RBFOX1: variants seen among roughly 807,000 people sequenced by gnomAD.
RBFOX1 encodes RNA binding fox-1 homolog 1, also known as RNA binding protein fox-1 homolog 1.
A neutral mutation model predicts 57.7 loss-of-function variants in RBFOX1; 8 were observed. That is an observed-to-expected ratio of 0.14 (90% CI 0.08 to 0.25). The LOEUF is 0.25. RBFOX1 is among the 10% of genes least tolerant of loss of function. The probability of loss-of-function intolerance (pLI) is 1.00; values close to 1 mark genes in which losing one functional copy is unlikely to be tolerated. For synonymous variants in RBFOX1, 326 were observed against 222.4 expected, an observed-to-expected ratio of 1.47 and a Z score of -4.15; for missense variants, 611 against 548.5, an observed-to-expected ratio of 1.11 and a Z score of -1.14.
At chr16:6,581,794 G>C (rs2153974374) in intron 2 of RBFOX1, among the ~76,000 whole-genome samples, 1 of 152,282 alleles carries the variant, frequency 6.6e-6, no homozygotes, top group Non-Finnish European at 1.5e-5. Context: ...GTGAAAATTG[G>C]ATGTGTGTCC....
At chr16:7,483,629 A>C (rs967881616) in intron 4 of RBFOX1, among the ~76,000 whole-genome samples, 1 of 152,160 alleles carries the variant, frequency 6.6e-6, no homozygotes, top group Non-Finnish European at 1.5e-5. Context: ...GGGGTGGCTG[A>C]TAATAGAATA....
chr16:6,774,921 A>G (rs1287461212), intron 3 of RBFOX1, among the ~76,000 whole-genome samples: 1 of 152,082 alleles, frequency 6.6e-6, no homozygotes, highest in Non-Finnish European at 1.5e-5. Flanking sequence ...AGTAGTGGCT[A>G]CCATATTGGA....
At chr16:7,363,937 C>G (rs2097382400) in intron 4 of RBFOX1, among the ~76,000 whole-genome samples, 1 of 152,112 alleles carries the variant, frequency 6.6e-6, no homozygotes, top group South Asian at 2.1e-4. Flanking sequence ...AGGCATATGG[C>G]CTTCCTGGTG....
intron 1 of RBFOX1, among the ~76,000 whole-genome samples, chr16:5,390,319 T>C (rs993110007): frequency 6.6e-6 from 1 of 150,538 alleles, no homozygotes; most frequent in Admixed American, 6.6e-5. Context: ...AAGACAGTGT[T>C]GCTGTGTCAC....
intron 3 of RBFOX1, among the ~76,000 whole-genome samples, chr16:6,718,205 A>T (rs988860324): frequency 6.6e-6 from 1 of 152,204 alleles, no homozygotes; most frequent in Admixed American, 6.5e-5. Flanking sequence ...ACAACATGAA[A>T]TAATAACAGC....
chr16:7,103,549 A>G lies in RBFOX1; in HGVS notation c.27+51451A>G, dbSNP rs531115617. On this transcript the variant is annotated intron_variant, in intron 4 of 15. Transcript: ENST00000550418. ...GATCAGTGACAAAAGCTGTGTATCA[A>G]ATGTATAGATAGATTGATAATCTAC... Among the ~76,000 whole-genome samples, 12 of 152,254 alleles carry G rather than the reference A, an allele frequency of 7.9e-5. No individual in the cohort carries two copies. The South Asian group carries it at 1.0e-3, about 13-fold the overall frequency.
intron 3 of RBFOX1, among the ~76,000 whole-genome samples, chr16:6,760,082 G>A (rs1313412691): frequency 6.6e-6 from 1 of 152,094 alleles, no homozygotes; most frequent in African/African-American, 2.4e-5. Context: ...TCCAAACTCA[G>A]TGTGATCTTG....
intron 2 of RBFOX1, among the ~76,000 whole-genome samples, chr16:5,567,736 C>T (rs1196287211): frequency 6.7e-6 from 1 of 149,594 alleles, no homozygotes; most frequent in African/African-American, 2.4e-5. Context: ...CTGCCACCAT[C>T]AACATTGTCA....
In RBFOX1 at chr16:5,424,994, T is replaced by TTTCTTTC. The variant is rs58404221; in HGVS notation, c.220-42220_220-42219insCTTTCTT. ...TCTTTCTTTCTTTTCTTTTCTTTTCTTTTCTTTTCTTTTCTTTTCTTTCTT... is the reference window on the plus strand; with the variant it reads ...TCTTTCTTTCTTTTCTTTTCTTTTCTTTCTTTCTTTCTTTTCTTTTCTTTTCTTTCTT... On this transcript the variant is annotated intron_variant, in intron 1 of 2. Transcript: ENST00000585867. 2.7e-3 allele frequency among the ~76,000 whole-genome samples: 245 copies of TTTCTTTC among 89,632 alleles called. 5 individuals carry two copies. The highest frequency in any genetic ancestry group is 4.5e-3 in the East Asian group (12 of 2,664). The allele number at this position is 89,632 out of a possible 152,430, so 58.8% of individuals were successfully genotyped here.
intron 3 of RBFOX1, among the ~76,000 whole-genome samples, chr16:5,756,658 G>T (rs912855890): frequency 1.3e-5 from 2 of 152,118 alleles, no homozygotes; most frequent in African/African-American, 4.8e-5. Flanking sequence ...GCCATCGAAT[G>T]ACTAATTGAT....
intron 4 of RBFOX1, among the ~76,000 whole-genome samples, chr16:7,081,050 T>C (rs1405080392): frequency 6.6e-6 from 1 of 152,218 alleles, no homozygotes; most frequent in Non-Finnish European, 1.5e-5. Flanking sequence ...TTTTACTTTT[T>C]TTGAGGCAGA....
intron 1 of RBFOX1, among the ~76,000 whole-genome samples, chr16:6,133,952 T>C (rs2096647805): frequency 6.6e-6 from 1 of 152,076 alleles, no homozygotes; most frequent in African/African-American, 2.4e-5. Flanking sequence ...CTTTTTTTTT[T>C]TGGAATTGGA....
intron 4 of RBFOX1, among the ~76,000 whole-genome samples, chr16:7,236,058 T>A (rs561782402): frequency 6.6e-6 from 1 of 152,208 alleles, no homozygotes; most frequent in African/African-American, 2.4e-5. Flanking sequence ...ATCAAAAAGA[T>A]CCTGGTTATT....
chr16:7,616,011 C>G (rs527478527), intron 10 of RBFOX1, among the ~76,000 whole-genome samples: 47 of 152,262 alleles, frequency 3.1e-4, no homozygotes, highest in African/African-American at 1.1e-3. Context: ...TGAAGACTTT[C>G]ATGTAAATGT....
At chr16:5,667,573 A>G (rs1280530315) in intron 3 of RBFOX1, among the ~76,000 whole-genome samples, 1 of 152,216 alleles carries the variant, frequency 6.6e-6, no homozygotes, top group African/African-American at 2.4e-5. Flanking sequence ...TGTGGCCTGT[A>G]CTAGAAGTGT....
At chr16:6,526,773 C>T (rs953531946) in intron 2 of RBFOX1, among the ~76,000 whole-genome samples, 2 of 128,770 alleles carry the variant, frequency 1.6e-5, no homozygotes, top group African/African-American at 2.9e-5. Context: ...GAGCTTGCAG[C>T]GAGCCGAGAT....
In RBFOX1 at chr16:7,012,172, G is replaced by C. The variant is rs183579209; in HGVS notation, c.-15-39885G>C. ...GAGACTATGATCACTATCATTTATT[G>C]ACCATCACTGAATGCTGGGAGCTCT... On this transcript the variant is annotated intron_variant, in intron 3 of 15. Transcript: ENST00000550418. Among the ~76,000 whole-genome samples the C allele has an allele frequency of 6.8e-4, 103 of 152,230 alleles. 1 individual carries two copies. The highest frequency in any genetic ancestry group is 2.5e-3 in the African/African-American group (103 of 41,552).
At chr16:6,653,522 T>C (rs941499315) in intron 2 of RBFOX1, among the ~76,000 whole-genome samples, 1 of 152,196 alleles carries the variant, frequency 6.6e-6, no homozygotes, top group African/African-American at 2.4e-5. Flanking sequence ...GTAGGAATTA[T>C]GTTTGTTTCA....
rs2088438896 is a variant in RBFOX1, at chr16:6,980,444, G to A, written c.-15-71613G>A. On this transcript the variant is annotated intron_variant, in intron 3 of 15. Coordinates refer to ENST00000550418, the MANE Select transcript of RBFOX1 (RefSeq NM_018723.4). Reference sequence around the variant, plus strand: ...AACACAGAAAGATATGTTTACAAAAGCAAAAAACTTGTCTTCTTATGTTGA... The same window carrying A: ...AACACAGAAAGATATGTTTACAAAAACAAAAAACTTGTCTTCTTATGTTGA... Among the ~76,000 whole-genome samples the A allele has an allele frequency of 2.0e-5, 3 of 152,076 alleles. No individual in the cohort carries two copies. The South Asian group carries it at 6.2e-4, about 31-fold the overall frequency.
Sources: allele counts gnomAD v4.1 joint callset (sites outside exome capture counted in the v4.1 genomes callset), GRCh38; gene constraint gnomAD v4.1.1; transcripts MANE v1.5; gene names NCBI Gene and HGNC (gene_info 2026-07-23, HGNC 2026-07-21).